Variants in AGBL4 observed in about 807,000 individuals in gnomAD.
AGBL4 encodes the protein AGBL carboxypeptidase 4, also known as cytosolic carboxypeptidase 6.
In AGBL4, 58 loss-of-function variants were observed where a neutral mutation model predicts 66.4. That is an observed-to-expected ratio of 0.87 (90% CI 0.71 to 1.09). The LOEUF (loss-of-function observed/expected upper bound fraction) is 1.09. AGBL4 is among the 50% of genes least tolerant of loss of function. AGBL4 has a pLI of 0.00. For missense variants in AGBL4, 579 were observed against 631.0 expected (o/e 0.92, Z 0.88); for synonymous variants, 234 against 222.9 (o/e 1.05, Z -0.44).
intron 1 of AGBL4, among the ~76,000 whole-genome samples, chr1:50,003,595 C>A (rs994881467): frequency 1.3e-5 from 2 of 152,098 alleles, no homozygotes; most frequent in African/African-American, 4.8e-5. Context: ...AATTTTAGAA[C>A]TGAAATCCCC....
intron 4 of AGBL4, among the ~76,000 whole-genome samples, chr1:49,062,256 A>G (rs1644416179): frequency 6.6e-6 from 1 of 152,204 alleles, no homozygotes; most frequent in Admixed American, 6.5e-5. Flanking sequence ...TCGTAGGTCA[A>G]GAGTTACTTA....
At chr1:49,176,453 A>G (rs1359364541) in intron 4 of AGBL4, among the ~76,000 whole-genome samples, 1 of 152,170 alleles carries the variant, frequency 6.6e-6, no homozygotes. Context: ...AATCAATGGC[A>G]CATGTAGAAT....
intron 3 of AGBL4, among the ~76,000 whole-genome samples, chr1:49,407,395 G>A (rs545972300): frequency 6.6e-6 from 1 of 152,360 alleles, no homozygotes; most frequent in South Asian, 2.1e-4. Context: ...AACTGGAACT[G>A]AGCTATTGGC....
intron 5 of AGBL4, among the ~76,000 whole-genome samples, chr1:48,899,849 A>G (rs144700329): frequency 1.3e-5 from 2 of 152,348 alleles, no homozygotes; most frequent in East Asian, 3.9e-4. Context: ...ACAGTTTATT[A>G]CGGGAAGAAA....
chr1:48,862,601 G>A (rs541006094), intron 6 of AGBL4, among the ~76,000 whole-genome samples: 13 of 152,278 alleles, frequency 8.5e-5, no homozygotes, highest in African/African-American at 2.9e-4. Context: ...GATTACAGGT[G>A]TGAGCCACTG....
chr1:49,560,437 A>C (rs1029609166), intron 3 of AGBL4, among the ~76,000 whole-genome samples: 4 of 152,146 alleles, frequency 2.6e-5, no homozygotes, highest in Non-Finnish European at 5.9e-5. Context: ...GTATTAAAAA[A>C]AGACAAAAAA....
intron 3 of AGBL4, among the ~76,000 whole-genome samples, chr1:49,579,063 T>C (rs1212144041): frequency 6.6e-6 from 1 of 152,134 alleles, no homozygotes; most frequent in Non-Finnish European, 1.5e-5. Context: ...CTAACATTTT[T>C]CCCCCATGCT....
chr1:49,257,118 A>G (rs550453672), intron 3 of AGBL4, among the ~76,000 whole-genome samples: 1 of 152,178 alleles, frequency 6.6e-6, no homozygotes, highest in Admixed American at 6.5e-5. Context: ...ACAAAAAAAA[A>G]TACTATGCAA....
intron 4 of AGBL4, among the ~76,000 whole-genome samples, chr1:49,054,274 A>G (rs190815029): frequency 1.3e-5 from 2 of 152,212 alleles, no homozygotes; most frequent in East Asian, 1.9e-4. Context: ...CTGAATTCCA[A>G]TATAATTCAA....
At chr1:48,821,224 C>T (rs72890061) in intron 6 of AGBL4, among the ~76,000 whole-genome samples, 1 of 152,092 alleles carries the variant, frequency 6.6e-6, no homozygotes, top group Admixed American at 6.6e-5. Flanking sequence ...ACCATTTGAC[C>T]TAGCAATGTC....
intron 1 of AGBL4, among the ~76,000 whole-genome samples, chr1:50,012,758 G>T (rs1661645894): frequency 6.6e-6 from 1 of 152,134 alleles, no homozygotes; most frequent in African/African-American, 2.4e-5. Context: ...TCAAGGGTGA[G>T]TTGGCAACTT....
intron 3 of AGBL4, among the ~76,000 whole-genome samples, chr1:49,284,580 A>G (rs915885155): frequency 3.3e-5 from 5 of 152,258 alleles, no homozygotes; most frequent in Non-Finnish European, 7.3e-5. Flanking sequence ...AGACTGGCAA[A>G]TTGGATAAAG....
intron 5 of AGBL4, among the ~76,000 whole-genome samples, chr1:49,021,218 G>A (rs1360160250): frequency 6.6e-6 from 1 of 152,128 alleles, no homozygotes; most frequent in Non-Finnish European, 1.5e-5. Context: ...GTTCAACCAA[G>A]TTAGTGAACC....
At position 49,125,852 on chromosome 1, in the gene AGBL4, C is replaced by T. The variant is rs377228145; in HGVS notation, c.378-80052G>A. Among the ~76,000 whole-genome samples the T allele has an allele frequency of 3.6e-4, 55 of 152,266 alleles. 1 individual carries two copies. The East Asian group carries it at 4.3e-3, about 12-fold the overall frequency. Reference sequence around the variant, plus strand: ...TGTCTTTTCCACCACAACAAATCAACGGGGTTCTTACTCTCATGGCATGGA... The same window carrying T: ...TGTCTTTTCCACCACAACAAATCAATGGGGTTCTTACTCTCATGGCATGGA... On this transcript the variant is annotated intron_variant, in intron 4 of 13. Transcript: ENST00000371839.
intron 2 of AGBL4, among the ~76,000 whole-genome samples, chr1:49,760,711 C>T (rs995072301): frequency 6.6e-6 from 1 of 152,138 alleles, no homozygotes; most frequent in Non-Finnish European, 1.5e-5. Flanking sequence ...ACCATAAAGA[C>T]ACATACACAA....
intron 6 of AGBL4, among the ~76,000 whole-genome samples, chr1:48,751,976 TAGA>T (rs1193563693): frequency 6.6e-6 from 1 of 152,188 alleles, no homozygotes; most frequent in Non-Finnish European, 1.5e-5. Flanking sequence ...TCCTTCAAAG[TAGA>T]AGATGACTGA....
chr1:49,339,384 T>C (rs921939180), intron 3 of AGBL4, among the ~76,000 whole-genome samples: 1 of 152,170 alleles, frequency 6.6e-6, no homozygotes, highest in African/African-American at 2.4e-5. Flanking sequence ...TGAGATAATG[T>C]TTTTCGTGGA....
intron 6 of AGBL4, among the ~76,000 whole-genome samples, chr1:48,676,439 T>C (rs796603587): frequency 6.6e-6 from 1 of 152,248 alleles, no homozygotes; most frequent in Non-Finnish European, 1.5e-5. Flanking sequence ...TTCACTTCTC[T>C]GTGCTTCACT....
At chr1:48,778,135 A>ACATCCATC (rs34372698) in intron 6 of AGBL4, among the ~76,000 whole-genome samples, 8,662 of 148,684 alleles carry the variant, frequency 0.058, 277 homozygotes, top group East Asian at 0.092. Context: ...ATAAAAACCC[A>ACATCCATC]CATCCATCCA....
Sources: allele counts gnomAD v4.1 joint callset (sites outside exome capture counted in the v4.1 genomes callset), GRCh38; gene constraint gnomAD v4.1.1; transcripts MANE v1.5; gene names NCBI Gene and HGNC (gene_info 2026-07-23, HGNC 2026-07-21).